Variants in REM1 observed in about 807,000 individuals in gnomAD.
The protein encoded by REM1 is RRAD and GEM like GTPase 1.
REM1 carries 20 observed loss-of-function variants against 27.0 expected under a neutral mutation model. The observed-to-expected ratio is 0.74, with a 90% CI of 0.52 to 1.08. REM1 has a LOEUF of 1.08. Ranked by LOEUF, REM1 falls within the 50% of genes least tolerant of loss-of-function variation. The probability of loss-of-function intolerance (pLI) is 0.00; values close to 1 mark genes in which losing one functional copy is unlikely to be tolerated. For missense variants in REM1, 405 were observed against 407.0 expected (o/e 1.00, Z 0.04); for synonymous variants, 159 against 167.9 (o/e 0.95, Z 0.41).
rs1980465913 is a variant in REM1, at chr20:31,475,575, A to T, written c.-220+209A>T. ...CCAGGATGGGGGATTCACACCCGGG[A>T]TGCCGGCTGAGAAAGCTCGGACCCA... On this transcript the variant is annotated intron_variant, in intron 1 of 4. Coordinates refer to ENST00000201979, the MANE Select transcript of REM1 (RefSeq NM_014012.6). The surrounding 1 kb of genome is among the most constrained non-coding windows in gnomAD (Gnocchi z 5.0). Among the ~76,000 whole-genome samples the T allele has an allele frequency of 6.6e-6, 1 of 152,182 alleles. No individual in the cohort carries two copies. Among genetic ancestry groups the T allele is most frequent in the African/African-American group, 2.4e-5 (1 of 41,454 alleles).
chr20:31,480,355 G>T (rs192769698), intron 3 of REM1, among the ~76,000 whole-genome samples: 45 of 151,630 alleles, frequency 3.0e-4, no homozygotes, highest in Middle Eastern at 3.4e-3. Context: ...ATGGAGTCTC[G>T]CCCTGTCACC....
intron 3 of REM1, among the ~76,000 whole-genome samples, chr20:31,478,402 A>G (rs1489954204): frequency 6.6e-6 from 1 of 152,178 alleles, no homozygotes; most frequent in East Asian, 1.9e-4. Context: ...TTCAGAGGTA[A>G]GCCCAGTTTA....
intron 3 of REM1, among the ~76,000 whole-genome samples, chr20:31,480,384 C>T (rs1349839014): frequency 1.3e-5 from 2 of 151,964 alleles, no homozygotes; most frequent in Non-Finnish European, 2.9e-5. Context: ...AGTGCAGTGT[C>T]GTGATCTCAG....
chr20:31,483,101 A>G (rs1039857219), intron 4 of REM1, among the ~76,000 whole-genome samples: 1 of 152,220 alleles, frequency 6.6e-6, no homozygotes, highest in African/African-American at 2.4e-5. Context: ...GGAGTTCAAG[A>G]CCAACCTGGC....
chr20:31,476,866 A>T, intron 2 of REM1, 81 bp downstream of exon 2: 1 of 1,177,652 alleles, frequency 8.5e-7, no homozygotes, highest in Non-Finnish European at 1.2e-6. Context: ...TGCCAAGAAC[A>T]GTTGTACAAG....
chr20:31,475,826 C>T lies in REM1; in HGVS notation c.-219-401C>T, dbSNP rs1051087464. On this transcript the variant is annotated intron_variant, in intron 1 of 4. Transcript: ENST00000201979. This position sits in a 1 kb window ranked among gnomAD's most constrained non-coding sequence, Gnocchi z 5.0. ...GCACTCGGGTTACAGTCGGGTTACCCCCATACCCCCCTCGCGCTTCTGGAG... is the reference window on the plus strand; with the variant it reads ...GCACTCGGGTTACAGTCGGGTTACCTCCATACCCCCCTCGCGCTTCTGGAG... Among the ~76,000 whole-genome samples, 5 of 152,226 alleles carry T rather than the reference C, an allele frequency of 3.3e-5. No homozygotes were observed. In the South Asian group the frequency reaches 1.0e-3, roughly 31 times the overall value.
chr20:31,476,405 C>CAGAAGGAA lies in REM1; in HGVS notation c.-32_-25dup, dbSNP rs1261292267. 6.8e-7 allele frequency: 1 copy of CAGAAGGAA among 1,480,056 alleles called. No homozygotes were observed. The highest frequency in any genetic ancestry group is 1.4e-5 in the African/African-American group (1 of 70,804). The allele number at this position is 1,480,056 out of a possible 1,614,324, so 91.7% of individuals were successfully genotyped here. On this transcript the variant is annotated 5_prime_UTR_variant, in exon 2 of 5. Transcript: ENST00000201979. ...GCTGACAGCCAATTCCCCCTTCTTT[C>CAGAAGGAA]AGAAGGAAAGAAGGAAGAAGCAAAC...
At chr20:31,482,241 G>T in intron 3 of REM1, 46 bp from the exon 4 acceptor site, 1 of 1,585,388 alleles carries the variant, frequency 6.3e-7, no homozygotes, top group African/African-American at 1.3e-5. Context: ...CCTCAGCCAG[G>T]GCCTAGATAC....
chr20:31,483,668 C>T (rs1423108945), intron 4 of REM1, among the ~76,000 whole-genome samples: 2 of 151,652 alleles, frequency 1.3e-5, no homozygotes, highest in Non-Finnish European at 1.5e-5. Flanking sequence ...TAAACTGAGA[C>T]CCAGAAAGGA....
chr20:31,483,455 T>A (rs2122482885), intron 4 of REM1, among the ~76,000 whole-genome samples: 1 of 152,258 alleles, frequency 6.6e-6, no homozygotes, highest in South Asian at 2.1e-4. Flanking sequence ...GTGAAAAAAA[T>A]TAGAAATTCA....
Position 31,484,489 on chromosome 20 carries a change from C to T in REM1, c.*59C>T. The T allele has an allele frequency of 7.0e-7, 1 of 1,430,778 alleles. No homozygotes were observed. The highest frequency in any genetic ancestry group is 1.5e-5 in the South Asian group (1 of 65,698). The allele number at this position is 1,430,778 out of a possible 1,614,324, so 88.6% of individuals were successfully genotyped here. On this transcript the variant is annotated 3_prime_UTR_variant, in exon 5 of 5. Transcript: ENST00000201979. ...TGAGGTGCATTCTGGGCTCCAGGGA[C>T]GCCACTGCGGGGCAAAGGCGCCGTT...
Position 31,484,355 on chromosome 20 carries a change from C to T in REM1, c.822C>T (p.Arg274=), listed in dbSNP as rs772518428. ...LAQRARRFLA[R]LTARSARRRA... Reference sequence around the variant, plus strand: ...AGCGCGCTCGTCGCTTCCTGGCACGCCTGACAGCCCGCAGCGCACGCCGCC... The same window carrying T: ...AGCGCGCTCGTCGCTTCCTGGCACGTCTGACAGCCCGCAGCGCACGCCGCC... The change falls in exon 5 of 5, where the codon CGC becomes CGT. Residue 274 remains arginine, a synonymous_variant. Transcript: ENST00000201979. The T allele has an allele frequency of 2.6e-6, 4 of 1,560,312 alleles. No homozygotes were observed. The highest frequency in any genetic ancestry group is 1.9e-5 in the Admixed American group (1 of 52,332).
At chr20:31,480,216 T>C (rs182468079) in intron 3 of REM1, among the ~76,000 whole-genome samples, 2 of 127,578 alleles carry the variant, frequency 1.6e-5, no homozygotes, top group African/African-American at 5.9e-5. Flanking sequence ...GATAGATAGA[T>C]AGATAGATAG....
chr20:31,479,752 G>A (rs1351524378), intron 3 of REM1, among the ~76,000 whole-genome samples: 2 of 152,156 alleles, frequency 1.3e-5, no homozygotes. Context: ...GGACCTTAGT[G>A]TACCAGGTTG....
chr20:31,484,575 A>T lies in REM1; in HGVS notation c.*145A>T. On this transcript the variant is annotated 3_prime_UTR_variant, in exon 5 of 5. Transcript: ENST00000201979. The stretch of plus-strand genomic sequence containing the variant: ...TGCCCTGATGGCCTGAGCATCCCCC[A>T]GATCCAAGCCTGGGGGATCCCGGGA... 9.7e-7 allele frequency: 1 copy of T among 1,031,474 alleles called. No individual in the cohort carries two copies. The highest frequency in any genetic ancestry group is 1.3e-6 in the Non-Finnish European group (1 of 756,584). The allele number at this position is 1,031,474 out of a possible 1,614,324, so 63.9% of individuals were successfully genotyped here.
Position 31,484,809 on chromosome 20 carries a change from A to G in REM1, c.*379A>G. The G allele has an allele frequency of 1.5e-5, 3 of 197,342 alleles. No individual in the cohort carries two copies. The highest frequency in any genetic ancestry group is 3.1e-5 in the Non-Finnish European group (3 of 98,316). The allele number at this position is 197,342 out of a possible 1,614,324, so 12.2% of individuals were successfully genotyped here. A position where few individuals can be genotyped will look rare whatever the true frequency, so the allele number is the denominator to read the frequency against. The stretch of plus-strand genomic sequence containing the variant: ...TCGGCTCTTCCAGGCGTCTCCACCT[A>G]CTGCCCTCCCATCTACACTTGACTG... On this transcript the variant is annotated 3_prime_UTR_variant, in exon 5 of 5. Transcript: ENST00000201979.
In REM1 at chr20:31,476,497, A is replaced by G. The variant is rs748026198; in HGVS notation, c.52A>G (p.Ser18Gly). 2 of 1,612,970 alleles carry G rather than the reference A, an allele frequency of 1.2e-6. No homozygotes were observed. Among genetic ancestry groups the G allele is most frequent in the Non-Finnish European group, 1.7e-6 (2 of 1,179,560 alleles). Residue 18 changes from serine (S) to glycine (G), a missense_variant, in exon 2 of 5, where the codon AGC becomes GGC. Coordinates refer to ENST00000201979, the MANE Select transcript of REM1 (RefSeq NM_014012.6). ...AAAGACCCCTCTGCACCGGCGAGCCAGCACCCCACTGCCCCTGTCCCCACG... is the reference window on the plus strand; with the variant it reads ...AAAGACCCCTCTGCACCGGCGAGCCGGCACCCCACTGCCCCTGTCCCCACG... ...EAKTPLHRRA[S>G]TPLPLSPRGH...
intron 3 of REM1, among the ~76,000 whole-genome samples, chr20:31,481,731 G>T (rs1024256188): frequency 6.6e-6 from 1 of 152,124 alleles, no homozygotes; most frequent in Admixed American, 6.5e-5. Context: ...AACTTGAAAG[G>T]ACTCCACTTC....
intron 3 of REM1, among the ~76,000 whole-genome samples, chr20:31,478,275 G>T (rs527340398): frequency 2.8e-5 from 4 of 141,066 alleles, no homozygotes; most frequent in African/African-American, 1.1e-4. Context: ...TTTCTTACTA[G>T]TTGTGTAGTT....
Sources: gnomAD v4.1 joint callset for allele counts (sites outside exome capture counted in the v4.1 genomes callset) on GRCh38, gnomAD v4.1.1 for gene constraint, Gnocchi (gnomAD v3.1) non-coding constraint, MANE v1.5 for transcripts, NCBI Gene and HGNC (gene_info 2026-07-23, HGNC 2026-07-21) for gene names.